Variants in CEP70 observed in about 807,000 individuals in gnomAD.
CEP70 encodes centrosomal protein 70, also known as centrosomal protein of 70 kDa.
In CEP70, 70 loss-of-function variants were observed where a neutral mutation model predicts 90.9. The ratio of observed to expected loss-of-function variants is 0.77; its 90% CI spans 0.64 to 0.94. CEP70 has a LOEUF of 0.94. Ranked by LOEUF, CEP70 falls within the 40% of genes least tolerant of loss-of-function variation. CEP70 has a pLI of 0.00. For synonymous variants in CEP70, 220 were observed against 228.3 expected, an observed-to-expected ratio of 0.96 and a Z score of 0.33; for missense variants, 648 against 669.0, an observed-to-expected ratio of 0.97 and a Z score of 0.35.
At chr3:138,539,656 C>T (rs2038586251) in intron 6 of CEP70, among the ~76,000 whole-genome samples, 1 of 152,044 alleles carries the variant, frequency 6.6e-6, no homozygotes, top group Non-Finnish European at 1.5e-5. Context: ...AGAATACCTA[C>T]AAAATATAGA....
intron 11 of CEP70, among the ~76,000 whole-genome samples, chr3:138,522,647 A>G: frequency 6.6e-6 from 1 of 152,226 alleles, no homozygotes. Flanking sequence ...ATTCCTCAAC[A>G]CATACACCCT....
At chr3:138,591,823 C>T in intron 2 of CEP70, 31 bp downstream of exon 2, 2 of 1,527,122 alleles carry the variant, frequency 1.3e-6, no homozygotes, top group Non-Finnish European at 1.8e-6. Flanking sequence ...GGCCTCCCAA[C>T]ATCTGGAGTC....
At chr3:138,512,874 A>T (rs1351194668) in intron 11 of CEP70, among the ~76,000 whole-genome samples, 2 of 152,166 alleles carry the variant, frequency 1.3e-5, no homozygotes, top group Non-Finnish European at 2.9e-5. Context: ...AAATTCCACT[A>T]ATTTAGCTAC....
chr3:138,573,760 G>A (rs2041336483), intron 2 of CEP70, among the ~76,000 whole-genome samples: 1 of 152,172 alleles, frequency 6.6e-6, no homozygotes, highest in Non-Finnish European at 1.5e-5. Flanking sequence ...GCTGAGAGTA[G>A]GGTAAATGGA....
chr3:138,570,993 G>A (rs565122644), intron 5 of CEP70, 41 bp downstream of exon 5: 24 of 1,443,174 alleles, frequency 1.7e-5, no homozygotes, highest in East Asian at 7.4e-5. Context: ...TTTTTAGAAC[G>A]CATACAAACA....
At chr3:138,528,942 A>G (rs2037546547) in intron 10 of CEP70, among the ~76,000 whole-genome samples, 1 of 152,206 alleles carries the variant, frequency 6.6e-6, no homozygotes, top group South Asian at 2.1e-4. Context: ...CAGTGAGCTG[A>G]GATCGCGCCA....
chr3:138,526,860 T>G (rs1486966161), intron 10 of CEP70, among the ~76,000 whole-genome samples: 2 of 152,238 alleles, frequency 1.3e-5, no homozygotes, highest in African/African-American at 4.8e-5. Context: ...AGATGATGGA[T>G]ATGTTAATTA....
intron 6 of CEP70, among the ~76,000 whole-genome samples, chr3:138,564,675 C>T (rs2040649901): frequency 1.3e-5 from 2 of 152,108 alleles, no homozygotes; most frequent in Non-Finnish European, 2.9e-5. Flanking sequence ...TCTCAATAAA[C>T]TGGGGATTGA....
intron 11 of CEP70, among the ~76,000 whole-genome samples, chr3:138,517,364 A>G (rs1349559218): frequency 6.6e-6 from 1 of 152,130 alleles, no homozygotes; most frequent in Non-Finnish European, 1.5e-5. Context: ...ATAAGCTGAC[A>G]TGTAATAAAA....
intron 2 of CEP70, among the ~76,000 whole-genome samples, chr3:138,584,467 A>AC (rs2108257791): frequency 6.8e-6 from 1 of 146,720 alleles, no homozygotes; most frequent in African/African-American, 2.6e-5. Flanking sequence ...ATATCAAAAA[A>AC]AAAAAAAAAA....
intron 11 of CEP70, among the ~76,000 whole-genome samples, chr3:138,523,222 T>G (rs1208850308): frequency 1.3e-5 from 2 of 152,160 alleles, no homozygotes; most frequent in Non-Finnish European, 2.9e-5. Context: ...ATGGGACATA[T>G]CTCAAAATAA....
intron 6 of CEP70, among the ~76,000 whole-genome samples, chr3:138,558,083 G>C (rs1266101623): frequency 2.6e-5 from 4 of 152,166 alleles, no homozygotes; most frequent in African/African-American, 9.7e-5. Flanking sequence ...AAAGAAAACT[G>C]GCCAGGCACA....
intron 6 of CEP70, among the ~76,000 whole-genome samples, chr3:138,553,265 G>A (rs1252873754): frequency 1.1e-4 from 16 of 152,042 alleles, no homozygotes; most frequent in Admixed American, 1.0e-3. Flanking sequence ...GGATCACGAG[G>A]TCAGGAGATC....
At chr3:138,520,262 T>C (rs1370994129) in intron 11 of CEP70, among the ~76,000 whole-genome samples, 2 of 151,972 alleles carry the variant, frequency 1.3e-5, no homozygotes, top group Non-Finnish European at 2.9e-5. Flanking sequence ...CTGTCAACAT[T>C]AGACAGATCA....
chr3:138,574,158 G>C (rs2041362750), intron 2 of CEP70, among the ~76,000 whole-genome samples: 1 of 152,170 alleles, frequency 6.6e-6, no homozygotes, highest in African/African-American at 2.4e-5. Context: ...CCCAGGAAGT[G>C]CAAGAGTAGG....
intron 2 of CEP70, among the ~76,000 whole-genome samples, chr3:138,580,164 T>C (rs2041777500): frequency 6.6e-6 from 1 of 152,106 alleles, no homozygotes; most frequent in Non-Finnish European, 1.5e-5. Flanking sequence ...CCTTTTCTCA[T>C]GGTTGTGGCA....
At position 138,591,931 on chromosome 3, in the gene CEP70, T is replaced by A; in HGVS notation, c.-83A>T. ...CTCAATGAAATGATCACCCAACGAG[T>A]CTCATGTCTGAAACTGGATCTTCAT... On this transcript the variant is annotated 5_prime_UTR_variant, in exon 2 of 18. Coordinates refer to ENST00000264982, the MANE Select transcript of CEP70 (RefSeq NM_024491.4). The A allele has an allele frequency of 8.1e-7, 1 of 1,230,988 alleles. No individual in the cohort carries two copies. The highest frequency in any genetic ancestry group is 1.1e-6 in the Non-Finnish European group (1 of 913,268). 76.3% of individuals were successfully genotyped at this position (1,230,988 alleles called of 1,614,324 possible). A position where few individuals can be genotyped will look rare whatever the true frequency, so the allele number is the denominator to read the frequency against.
rs143665553 is a variant in CEP70, at chr3:138,516,775, G to C, written c.945-8231C>G. On this transcript the variant is annotated intron_variant, in intron 11 of 17. Coordinates refer to ENST00000264982, the MANE Select transcript of CEP70 (RefSeq NM_024491.4). ...GTGTTGCCATAGGAAGGAGGAAACA[G>C]AGCTGTCGCTGAAAACTGAATCATA... 4.8e-3 allele frequency among the ~76,000 whole-genome samples: 724 copies of C among 152,020 alleles called. 4 individuals carry two copies. The highest frequency in any genetic ancestry group is 0.017 in the African/African-American group (697 of 41,550).
chr3:138,514,491 A>T (rs2035824819), intron 11 of CEP70, among the ~76,000 whole-genome samples: 1 of 152,096 alleles, frequency 6.6e-6, no homozygotes, highest in Non-Finnish European at 1.5e-5. Flanking sequence ...AATTCACTGG[A>T]TTGACAGGAG....
Sources: gnomAD v4.1 joint callset for allele counts (sites outside exome capture counted in the v4.1 genomes callset) on GRCh38, gnomAD v4.1.1 for gene constraint, MANE v1.5 for transcripts, NCBI Gene and HGNC (gene_info 2026-07-23, HGNC 2026-07-21) for gene names.